Variants in ZNF382 observed in about 807,000 individuals in gnomAD.
ZNF382 encodes the protein KRAB/zinc finger suppressor protein 1.
A neutral mutation model predicts 38.8 loss-of-function variants in ZNF382; 20 were observed. That is an observed-to-expected ratio of 0.51 (90% confidence interval 0.36 to 0.75). The LOEUF is 0.75. ZNF382 is among the 30% of genes least tolerant of loss of function. The pLI is 0.00. For synonymous variants in ZNF382, 202 were observed against 223.1 expected (o/e 0.91, Z 0.84); for missense variants, 546 against 654.1 (o/e 0.83, Z 1.80).
intron 4 of ZNF382, among the ~76,000 whole-genome samples, chr19:36,623,112 C>A (rs761987839): frequency 2.0e-5 from 3 of 152,100 alleles, no homozygotes; most frequent in Non-Finnish European, 2.9e-5. Context: ...TTCCTTACTG[C>A]AGCTTGTAAC....
rs2037213606 is a variant in ZNF382 at position 36,626,419 on chromosome 19, C to T, written c.522C>T (p.Thr174=). The change falls in exon 5 of 5, where the codon ACC becomes ACT. Residue 174 remains threonine (T), a synonymous_variant. Transcript: ENST00000292928. ...GATGGGAGAAATCACTCCTCAATAC[C>T]AAGCATGAGAAAATTCATCCTGCAG... ...STGWEKSLLN[T]KHEKIHPAVN... 1.2e-6 allele frequency: 2 copies of T among 1,604,980 alleles called. No homozygotes were observed.
intron 4 of ZNF382, among the ~76,000 whole-genome samples, chr19:36,614,955 C>CTTTCCT (rs796733986): frequency 8.5e-6 from 1 of 118,042 alleles, no homozygotes; most frequent in African/African-American, 3.3e-5. Flanking sequence ...TTCCCTTTCC[C>CTTTCCT]TTCCTTTCCT....
chr19:36,627,310 G>T lies in ZNF382; in HGVS notation c.1413G>T (p.Lys471Asn). Residue 471 changes from lysine (K) to asparagine (N), a missense_variant, in exon 5 of 5, where the codon AAG becomes AAT. By Grantham distance (94) the Lys-to-Asn change is moderately conservative. Transcript: ENST00000292928. ...EKPYICNECGKSFRQKAILTV... is the reference protein window; with the variant it reads ...EKPYICNECGNSFRQKAILTV... ...CCTATATTTGTAATGAATGTGGGAA[G>T]TCCTTCCGCCAGAAGGCAATCCTCA... 1.2e-6 allele frequency: 2 copies of T among 1,614,176 alleles called. No homozygotes were observed. Among genetic ancestry groups the T allele is most frequent in the Non-Finnish European group, 1.7e-6 (2 of 1,180,036 alleles).
Position 36,629,324 on chromosome 19 carries a change from C to A in ZNF382, c.*1774C>A, listed in dbSNP as rs73609981. The A allele has an allele frequency of 0.038, 5,845 of 152,022 alleles. 370 individuals carry two copies. The highest frequency in any genetic ancestry group is 0.13 in the African/African-American group (5,550 of 41,442). 9.4% of individuals were successfully genotyped at this position (152,022 alleles called of 1,614,324 possible). ...TAATGCTAGGAAGTCTATGTGTAGGCCCCCTGGTCAACAGCTACAGCTGAG... is the reference window on the plus strand; with the variant it reads ...TAATGCTAGGAAGTCTATGTGTAGGACCCCTGGTCAACAGCTACAGCTGAG... On this transcript the variant is annotated 3_prime_UTR_variant, in exon 5 of 5. Coordinates refer to ENST00000292928, the MANE Select transcript of ZNF382 (RefSeq NM_032825.5).
chr19:36,624,229 T>A (rs943466295), intron 4 of ZNF382, among the ~76,000 whole-genome samples: 1 of 152,250 alleles, frequency 6.6e-6, no homozygotes, highest in African/African-American at 2.4e-5. Flanking sequence ...AAACTGCACA[T>A]AAGTGGAATT....
chr19:36,610,648 A>G lies in ZNF382; in HGVS notation c.140-2A>G, dbSNP rs1188305286. ...ACCAAAAGTCTCATTTTCCATCATC[A>G]GGGTTTCACATGGCTAAGCCTGATA... On this transcript the variant is annotated splice_acceptor_variant, in intron 3 of 4. Transcript: ENST00000292928. LOFTEE classifies it high-confidence loss of function. 1.2e-6 allele frequency: 2 copies of G among 1,607,538 alleles called. No individual in the cohort carries two copies. Among genetic ancestry groups the G allele is most frequent in the Non-Finnish European group, 8.5e-7 (1 of 1,177,618 alleles).
Position 36,627,718 on chromosome 19 carries a change from T to C in ZNF382, c.*168T>C. 2 of 509,368 alleles carry C rather than the reference T, an allele frequency of 3.9e-6. No individual in the cohort carries two copies. The highest frequency in any genetic ancestry group is 3.4e-6 in the Non-Finnish European group (1 of 295,590). 31.6% of individuals were successfully genotyped at this position (509,368 alleles called of 1,614,324 possible). ...CACACACACACACACACAAATATTATTAGACAAATTAGATGACAAAAATCA... is the reference window on the plus strand; with the variant it reads ...CACACACACACACACACAAATATTACTAGACAAATTAGATGACAAAAATCA... On this transcript the variant is annotated 3_prime_UTR_variant, in exon 5 of 5. Transcript: ENST00000292928.
At chr19:36,605,657 GGCGCTGTGTGTTCGCGCGCGCGGGCGC>G (rs2037014403) in intron 1 of ZNF382, 2 of 152,122 alleles carry the variant, frequency 1.3e-5, no homozygotes, top group African/African-American at 4.8e-5. Flanking sequence ...GCGCGGAGCG[GGCGCTGTGTGTTCGCGCGCGCGGGCGC>G]GCGCTGAATA....
intron 4 of ZNF382, among the ~76,000 whole-genome samples, chr19:36,615,964 C>T (rs969011210): frequency 1.3e-5 from 2 of 152,172 alleles, no homozygotes; most frequent in Non-Finnish European, 2.9e-5. Flanking sequence ...TACCCCAAGT[C>T]ACATGAACTT....
chr19:36,607,240 C>T (rs998034743), intron 1 of ZNF382, among the ~76,000 whole-genome samples: 3 of 152,094 alleles, frequency 2.0e-5, no homozygotes, highest in Admixed American at 1.3e-4. Context: ...TGGAAATACA[C>T]AGTAAACCTG....
chr19:36,631,059 A>G lies in ZNF382; in HGVS notation c.*3509A>G. On this transcript the variant is annotated 3_prime_UTR_variant, in exon 5 of 5. Transcript: ENST00000292928. The stretch of plus-strand genomic sequence containing the variant: ...TTCGGCCTCCTAAAATGCTGGGGTT[A>G]CAGGTGTGAGCCACTTCACTCACTT... 1 of 152,122 alleles carries G rather than the reference A, an allele frequency of 6.6e-6. No homozygotes were observed. The highest frequency in any genetic ancestry group is 1.9e-4 in the East Asian group (1 of 5,162). 9.4% of individuals were successfully genotyped at this position (152,122 alleles called of 1,614,324 possible).
At chr19:36,617,672 A>C (rs1440412033) in intron 4 of ZNF382, among the ~76,000 whole-genome samples, 1 of 152,158 alleles carries the variant, frequency 6.6e-6, no homozygotes, top group Non-Finnish European at 1.5e-5. Context: ...TAAGGAAGAG[A>C]GGAAATTTAT....
chr19:36,626,268 G>T lies in ZNF382; in HGVS notation c.371G>T (p.Gly124Val), dbSNP rs1369329368. The change falls in exon 5 of 5, where the codon GGC becomes GTC. Residue 124 changes from glycine to valine, a missense_variant. Gly to Val is a moderately radical substitution (Grantham distance 109). Coordinates refer to ENST00000292928, the MANE Select transcript of ZNF382 (RefSeq NM_032825.5). ...ATTTATGGTAAAACATTTACTCTAG[G>T]CAAGAACCGTATTTCAAAAACAATA... ...SNIYGKTFTL[G>V]KNRISKTILC... 25 of 1,604,044 alleles carry T rather than the reference G, an allele frequency of 1.6e-5. No homozygotes were observed. The highest frequency in any genetic ancestry group is 2.0e-5 in the Non-Finnish European group (24 of 1,177,540).
rs2037270228 is a variant in ZNF382, at chr19:36,633,922, G to C, written c.*6372G>C. On this transcript the variant is annotated 3_prime_UTR_variant, in exon 5 of 5. Transcript: ENST00000292928. Reference sequence around the variant, plus strand: ...CAGATCAAATGTTGCTGAGTGTCTGGGGTGGGGTGGGGTCTGAATACAGAG... The same window carrying C: ...CAGATCAAATGTTGCTGAGTGTCTGCGGTGGGGTGGGGTCTGAATACAGAG... 1 of 152,140 alleles carries C rather than the reference G, an allele frequency of 6.6e-6. No homozygotes were observed. The highest frequency in any genetic ancestry group is 2.1e-4 in the South Asian group (1 of 4,828). The allele number at this position is 152,140 out of a possible 1,614,324, so 9.4% of individuals were successfully genotyped here. A position where few individuals can be genotyped will look rare whatever the true frequency, so the allele number is the denominator to read the frequency against.
chr19:36,608,596 C>T (rs760086975), intron 2 of ZNF382: 7 of 152,152 alleles, frequency 4.6e-5, no homozygotes, highest in South Asian at 2.1e-4. Context: ...TTTTTCTCTA[C>T]GCACAATCAG....
intron 2 of ZNF382, chr19:36,609,528 A>G (rs756935558): frequency 6.4e-6 from 1 of 155,970 alleles, no homozygotes; most frequent in African/African-American, 2.4e-5. Context: ...TATGTCCTCA[A>G]TGAAGCCTCG....
At chr19:36,606,069 A>T (rs901296703) in intron 1 of ZNF382, among the ~76,000 whole-genome samples, 4 of 152,108 alleles carry the variant, frequency 2.6e-5, no homozygotes, top group African/African-American at 7.2e-5. Context: ...TATTTGAATG[A>T]TTGAGGAACT....
At chr19:36,615,488 G>C (rs1164546154) in intron 4 of ZNF382, among the ~76,000 whole-genome samples, 2 of 152,118 alleles carry the variant, frequency 1.3e-5, no homozygotes, top group African/African-American at 2.4e-5. Context: ...GTGTTTAACA[G>C]ATCCAAAGAG....
chr19:36,619,982 C>T (rs2037156481), intron 4 of ZNF382, among the ~76,000 whole-genome samples: 2 of 152,142 alleles, frequency 1.3e-5, no homozygotes, highest in African/African-American at 2.4e-5. Context: ...CTGCCCGCCC[C>T]GGCCTCCCAA....
Sources: gnomAD v4.1 joint callset for allele counts (sites outside exome capture counted in the v4.1 genomes callset) on GRCh38, gnomAD v4.1.1 for gene constraint, MANE v1.5 for transcripts, NCBI Gene and HGNC (gene_info 2026-07-23, HGNC 2026-07-21) for gene names.